The following CADM2 variants were observed in gnomAD, a reference collection of about 807,000 sequenced individuals.
The protein encoded by CADM2 is cell adhesion molecule 2.
CADM2 carries 12 observed loss-of-function variants against 49.8 expected under a neutral mutation model. That is an observed-to-expected ratio of 0.24 (90% CI 0.15 to 0.39). The LOEUF (loss-of-function observed/expected upper bound fraction) is 0.39. Ranked by LOEUF, CADM2 falls within the 10% of genes least tolerant of loss-of-function variation. The probability of loss-of-function intolerance (pLI) is 1.00; values close to 1 mark genes in which losing one functional copy is unlikely to be tolerated. For synonymous variants in CADM2, 214 were observed against 175.4 expected, an observed-to-expected ratio of 1.22 and a Z score of -1.74; for missense variants, 378 against 492.3, an observed-to-expected ratio of 0.77 and a Z score of 2.20.
Position 85,120,549 on chromosome 3 carries a change from C to T in CADM2, c.61+160881C>T, listed in dbSNP as rs750590082. On this transcript the variant is annotated intron_variant, in intron 1 of 9. Coordinates refer to ENST00000383699, the MANE Select transcript of CADM2 (RefSeq NM_001167675.2). ...GCAGGGACATGGATGAAGCTGGAAA[C>T]CATCATTCTCAGCAAACTAACACAG... Among the ~76,000 whole-genome samples, 68 of 152,134 alleles carry T rather than the reference C, an allele frequency of 4.5e-4. 2 individuals carry two copies. Among genetic ancestry groups the T allele is most frequent in the South Asian group, 6.2e-4 (3 of 4,814 alleles).
intron 3 of CADM2, among the ~76,000 whole-genome samples, chr3:85,874,326 A>G (rs868395730): frequency 3.3e-5 from 5 of 152,152 alleles, no homozygotes; most frequent in African/African-American, 4.8e-5. Context: ...TTCACAGAAT[A>G]TGGGATTCTG....
chr3:85,908,237 T>C (rs1264211817), intron 5 of CADM2, among the ~76,000 whole-genome samples: 1 of 144,250 alleles, frequency 6.9e-6, no homozygotes, highest in East Asian at 2.1e-4. Flanking sequence ...CAAGATATCT[T>C]GGCTTTTTTT....
intron 1 of CADM2, among the ~76,000 whole-genome samples, chr3:85,122,722 A>G (rs1290227665): frequency 6.6e-6 from 1 of 151,906 alleles, no homozygotes. Flanking sequence ...ACAAACTTTC[A>G]CCTCTTTTCC....
At position 85,530,824 on chromosome 3, in the gene CADM2, T is replaced by A. The variant is rs190749981; in HGVS notation, c.62-195698T>A. Among the ~76,000 whole-genome samples the A allele has an allele frequency of 2.0e-5, 3 of 148,832 alleles. No homozygotes were observed. In the East Asian group the frequency reaches 6.0e-4, roughly 30 times the overall value. ...AAAAGAAAAGATTGTGTCTTAGCAA[T>A]TAAAATTATGTGGTCTTCAAAATCA... is the stretch of plus-strand genomic sequence containing the variant. On this transcript the variant is annotated intron_variant, in intron 1 of 9. Coordinates refer to ENST00000383699, the MANE Select transcript of CADM2 (RefSeq NM_001167675.2).
chr3:86,000,053 C>T (rs1037376685), intron 8 of CADM2, among the ~76,000 whole-genome samples: 2 of 152,052 alleles, frequency 1.3e-5, no homozygotes, highest in African/African-American at 2.4e-5. Flanking sequence ...CATGGAATTC[C>T]TTTTTTAAAA....
intron 1 of CADM2, among the ~76,000 whole-genome samples, chr3:85,427,758 C>A (rs1380951747): frequency 6.6e-6 from 1 of 152,086 alleles, no homozygotes; most frequent in African/African-American, 2.4e-5. Context: ...CATTTTGAAT[C>A]CGTTTAAATC....
At chr3:85,922,914 C>T (rs1029364698) in intron 6 of CADM2, among the ~76,000 whole-genome samples, 8 of 151,710 alleles carry the variant, frequency 5.3e-5, no homozygotes, top group African/African-American at 1.5e-4. Flanking sequence ...CTCCGCCTCC[C>T]GGGTTCAAGC....
At chr3:85,404,347 G>A (rs933387140) in intron 1 of CADM2, among the ~76,000 whole-genome samples, 2 of 151,930 alleles carry the variant, frequency 1.3e-5, no homozygotes, top group East Asian at 3.9e-4. Context: ...TATTGTGTAT[G>A]TGTTTATGTA....
At chr3:85,044,709 A>G (rs2035580398) in intron 1 of CADM2, among the ~76,000 whole-genome samples, 1 of 152,160 alleles carries the variant, frequency 6.6e-6, no homozygotes, top group African/African-American at 2.4e-5. Context: ...AAAACCAGTG[A>G]AATTCTTGGG....
chr3:85,913,683 T>A (rs2108485028), intron 6 of CADM2, among the ~76,000 whole-genome samples: 1 of 152,304 alleles, frequency 6.6e-6, no homozygotes, highest in Non-Finnish European at 1.5e-5. Flanking sequence ...CAAACTTCAT[T>A]TCTCTTACAG....
At chr3:85,647,359 T>C (rs1327384292) in intron 1 of CADM2, among the ~76,000 whole-genome samples, 1 of 151,728 alleles carries the variant, frequency 6.6e-6, no homozygotes, top group Non-Finnish European at 1.5e-5. Flanking sequence ...TATTTTTTCT[T>C]ATACCTAGAA....
At chr3:85,034,424 G>T (rs2035121056) in intron 1 of CADM2, among the ~76,000 whole-genome samples, 2 of 152,038 alleles carry the variant, frequency 1.3e-5, no homozygotes, top group South Asian at 4.1e-4. Context: ...GCAAGTGACA[G>T]GATCTCATTC....
At chr3:85,226,326 C>T (rs62250653) in intron 1 of CADM2, among the ~76,000 whole-genome samples, 5,066 of 151,480 alleles carry the variant, frequency 0.033, 135 homozygotes, top group Non-Finnish European at 0.052. Flanking sequence ...TTCAGAGATA[C>T]GATTTCTTCC....
chr3:85,132,165 C>T (rs1455189063), intron 1 of CADM2, among the ~76,000 whole-genome samples: 1 of 152,136 alleles, frequency 6.6e-6, no homozygotes. Context: ...GTTGCATTAG[C>T]CTTTTCAGTT....
rs542157921 is a variant in CADM2, at chr3:85,588,381, C to A, written c.62-138141C>A. 1.9e-4 allele frequency among the ~76,000 whole-genome samples: 29 copies of A among 151,766 alleles called. No homozygotes were observed. The South Asian group carries it at 4.4e-3, about 23-fold the overall frequency. On this transcript the variant is annotated intron_variant, in intron 1 of 9. Transcript: ENST00000383699. ...TAGTTGATTGGAGGGAAAATACTCACCCCACATTGACAGTTAAGTTTATGA... is the reference window on the plus strand; with the variant it reads ...TAGTTGATTGGAGGGAAAATACTCAACCCACATTGACAGTTAAGTTTATGA...
At chr3:85,890,131 A>G (rs368705396) in intron 5 of CADM2, among the ~76,000 whole-genome samples, 1 of 152,174 alleles carries the variant, frequency 6.6e-6, no homozygotes, top group African/African-American at 2.4e-5. Context: ...TGCCTTTTCC[A>G]AAAAGGGTTT....
intron 1 of CADM2, among the ~76,000 whole-genome samples, chr3:85,398,738 G>C (rs1222722916): frequency 1.3e-5 from 2 of 152,138 alleles, no homozygotes; most frequent in Non-Finnish European, 2.9e-5. Flanking sequence ...GTTTTGATTT[G>C]CATTTCTCTG....
At chr3:85,538,920 T>C (rs34467301) in intron 1 of CADM2, among the ~76,000 whole-genome samples, 77,227 of 151,282 alleles carry the variant, frequency 0.51, 22,724 homozygotes, top group East Asian at 0.85. Context: ...TATAACATTG[T>C]GTGGGGAGGC....
intron 1 of CADM2, among the ~76,000 whole-genome samples, chr3:85,583,319 T>C (rs2062849325): frequency 6.6e-6 from 1 of 152,140 alleles, no homozygotes; most frequent in Admixed American, 6.6e-5. Context: ...GATATTTTCC[T>C]AGGTTGCCAA....
Sources: allele counts gnomAD v4.1 joint callset (sites outside exome capture counted in the v4.1 genomes callset), GRCh38; gene constraint gnomAD v4.1.1; transcripts MANE v1.5; gene names NCBI Gene and HGNC (gene_info 2026-07-23, HGNC 2026-07-21).